The following PTPRD variants were observed in gnomAD, a reference collection of about 807,000 sequenced individuals.
PTPRD encodes the protein receptor-type tyrosine-protein phosphatase delta.
In PTPRD, 34 loss-of-function variants were observed where a neutral mutation model predicts 214.5. That is an observed-to-expected ratio of 0.16 (90% CI 0.12 to 0.21). PTPRD has a LOEUF of 0.21. Among genes scored for constraint, PTPRD ranks in the 10% least tolerant of loss-of-function variants. The pLI is 1.00. For synonymous variants in PTPRD, 1,128 were observed against 845.7 expected, an observed-to-expected ratio of 1.33 and a Z score of -5.79; for missense variants, 2,545 against 2,398.7, an observed-to-expected ratio of 1.06 and a Z score of -1.27.
chr9:8,717,503 T>C (rs1597838124), intron 12 of PTPRD, among the ~76,000 whole-genome samples: 1 of 152,142 alleles, frequency 6.6e-6, no homozygotes, highest in South Asian at 2.1e-4. Context: ...TAACTGGTCT[T>C]CCACCCTCCA....
chr9:10,062,665 C>T (rs1420563430), intron 3 of PTPRD, among the ~76,000 whole-genome samples: 4 of 151,824 alleles, frequency 2.6e-5, no homozygotes, highest in Non-Finnish European at 4.4e-5. Flanking sequence ...GTTAAGTAGC[C>T]GATAGCACTT....
chr9:10,289,713 C>T (rs948605612), intron 3 of PTPRD, among the ~76,000 whole-genome samples: 4 of 152,020 alleles, frequency 2.6e-5, no homozygotes, highest in Non-Finnish European at 4.4e-5. Flanking sequence ...GGAAATCTTG[C>T]CATATAATTT....
chr9:8,809,784 T>G (rs1323996186), intron 11 of PTPRD, among the ~76,000 whole-genome samples: 1 of 152,224 alleles, frequency 6.6e-6, no homozygotes, highest in Admixed American at 6.5e-5. Flanking sequence ...CCTGATAATT[T>G]GATATGACGG....
At chr9:9,843,266 C>T (rs1488980941) in intron 5 of PTPRD, among the ~76,000 whole-genome samples, 1 of 151,970 alleles carries the variant, frequency 6.6e-6, no homozygotes, top group African/African-American at 2.4e-5. Flanking sequence ...CATAATATCG[C>T]TTAGGGACTT....
At chr9:8,845,009 A>G (rs2097658459) in intron 11 of PTPRD, among the ~76,000 whole-genome samples, 1 of 152,184 alleles carries the variant, frequency 6.6e-6, no homozygotes, top group African/African-American at 2.4e-5. Flanking sequence ...TGCAAATTAT[A>G]CTTGCACTGA....
At chr9:10,003,544 G>C (rs1435076233) in intron 4 of PTPRD, among the ~76,000 whole-genome samples, 1 of 151,648 alleles carries the variant, frequency 6.6e-6, no homozygotes, top group Non-Finnish European at 1.5e-5. Context: ...AACTAAAGAA[G>C]AGAAAGTGCT....
intron 3 of PTPRD, among the ~76,000 whole-genome samples, chr9:10,047,309 TAAC>T (rs755707517): frequency 0.19 from 21,346 of 115,178 alleles, 1,805 homozygotes; most frequent in Admixed American, 0.27. Flanking sequence ...TAAAATCAAC[TAAC>T]TGTGTGTGTG....
intron 21 of PTPRD, among the ~76,000 whole-genome samples, chr9:8,517,225 G>C (rs2097795963): frequency 6.6e-6 from 1 of 152,082 alleles, no homozygotes; most frequent in Non-Finnish European, 1.5e-5. Flanking sequence ...CACTGGGAGG[G>C]CCAAGTTTTC....
At chr9:8,771,366 T>C (rs891709943) in intron 11 of PTPRD, among the ~76,000 whole-genome samples, 1 of 152,188 alleles carries the variant, frequency 6.6e-6, no homozygotes, top group African/African-American at 2.4e-5. Context: ...CACTGTACTT[T>C]TAAAAATTCT....
At chr9:9,186,505 G>A (rs937755696) in intron 9 of PTPRD, among the ~76,000 whole-genome samples, 2 of 152,014 alleles carry the variant, frequency 1.3e-5, no homozygotes, top group Non-Finnish European at 2.9e-5. Flanking sequence ...CAGCTAGTCA[G>A]GAGGCTAAGG....
At chr9:9,795,243 A>C (rs1360995586) in intron 5 of PTPRD, among the ~76,000 whole-genome samples, 1 of 152,206 alleles carries the variant, frequency 6.6e-6, no homozygotes, top group Non-Finnish European at 1.5e-5. Context: ...GAAATATTTG[A>C]GAATATATTT....
In PTPRD at chr9:10,471,994, G is replaced by C. The variant is rs74447028; in HGVS notation, c.-599-130977C>G. ...TCAATTTATGCCTCATGTTTAAAAT[G>C]ACACATGTGAGTTTAAATTCAAAAT... On this transcript the variant is annotated intron_variant, in intron 2 of 45. Transcript: ENST00000381196. Among the ~76,000 whole-genome samples, 1,117 of 152,118 alleles carry C rather than the reference G, an allele frequency of 7.3e-3. 13 individuals carry two copies. Among genetic ancestry groups the C allele is most frequent in the African/African-American group, 0.025 (1,044 of 41,538 alleles).
intron 27 of PTPRD, 146 bp downstream of exon 27, chr9:8,492,716 T>TA (rs895408565): frequency 1.1e-5 from 5 of 438,432 alleles, no homozygotes; most frequent in Middle Eastern, 3.6e-4. Context: ...TTTTTTTTTT[T>TA]ACCCCTGAAC....
chr9:8,635,112 G>C (rs2096389788), intron 13 of PTPRD, among the ~76,000 whole-genome samples: 1 of 148,128 alleles, frequency 6.8e-6, no homozygotes, highest in Non-Finnish European at 1.5e-5. Context: ...ATATAGTAAA[G>C]ATTTTCAACC....
chr9:9,737,820 A>G (rs992655864), intron 6 of PTPRD, among the ~76,000 whole-genome samples: 2 of 152,098 alleles, frequency 1.3e-5, no homozygotes, highest in East Asian at 3.9e-4. Flanking sequence ...TCTTGTGTGA[A>G]CATTTGTTTA....
At chr9:9,842,186 G>C (rs1228363187) in intron 5 of PTPRD, among the ~76,000 whole-genome samples, 1 of 151,254 alleles carries the variant, frequency 6.6e-6, no homozygotes, top group Non-Finnish European at 1.5e-5. Context: ...CTTTTACAAG[G>C]CTTTTCAAGT....
At chr9:8,758,501 T>G (rs1185298131) in intron 11 of PTPRD, among the ~76,000 whole-genome samples, 1 of 152,088 alleles carries the variant, frequency 6.6e-6, no homozygotes, top group Admixed American at 6.6e-5. Flanking sequence ...CCTCACCACA[T>G]TCCAGAATAA....
intron 14 of PTPRD, among the ~76,000 whole-genome samples, chr9:8,531,817 C>T (rs1724014872): frequency 6.6e-6 from 1 of 152,076 alleles, no homozygotes; most frequent in African/African-American, 2.4e-5. Flanking sequence ...AAGCCACTTA[C>T]TAAAGGCTCT....
At chr9:9,937,463 G>GA (rs1462823951) in intron 5 of PTPRD, among the ~76,000 whole-genome samples, 1 of 149,248 alleles carries the variant, frequency 6.7e-6, no homozygotes, top group Non-Finnish European at 1.5e-5. Context: ...TTTACTATTA[G>GA]AAAAAATATT....
Sources: gnomAD v4.1 joint callset for allele counts (sites outside exome capture counted in the v4.1 genomes callset) on GRCh38, gnomAD v4.1.1 for gene constraint, MANE v1.5 for transcripts, NCBI Gene and HGNC (gene_info 2026-07-23, HGNC 2026-07-21) for gene names.